Variants in LIPC observed in about 807,000 individuals in gnomAD.
LIPC encodes hepatic triacylglycerol lipase.
In LIPC, 44 loss-of-function variants were observed where a neutral mutation model predicts 50.7. The ratio of observed to expected loss-of-function variants is 0.87; its 90% CI spans 0.68 to 1.11. The LOEUF (loss-of-function observed/expected upper bound fraction) is 1.11, where lower values mean the gene tolerates loss of function less well. Among genes scored for constraint, LIPC ranks in the 50% most tolerant of loss-of-function variants. LIPC has a pLI of 0.00. For synonymous variants in LIPC, 271 were observed against 256.4 expected (o/e 1.06, Z -0.54); for missense variants, 697 against 648.2 (o/e 1.08, Z -0.82).
chr15:58,433,743 T>C (rs1035353264), intron 1 of LIPC, among the ~76,000 whole-genome samples: 6 of 152,368 alleles, frequency 3.9e-5, no homozygotes, highest in Middle Eastern at 3.4e-3. Context: ...AATCTCATTG[T>C]CCTGATCAGC....
At chr15:58,472,325 G>A (rs1365593221) in intron 1 of LIPC, among the ~76,000 whole-genome samples, 8 of 145,514 alleles carry the variant, frequency 5.5e-5, no homozygotes, top group South Asian at 2.2e-4. Flanking sequence ...CTGTAACCCC[G>A]GCACTTTGGG....
At chr15:58,506,061 C>A (rs972700271) in intron 1 of LIPC, among the ~76,000 whole-genome samples, 2 of 152,138 alleles carry the variant, frequency 1.3e-5, no homozygotes, top group Admixed American at 6.5e-5. Context: ...GCAGCCGCCC[C>A]TCCCCACTCT....
At chr15:58,533,784 T>C (rs1402534896) in intron 1 of LIPC, among the ~76,000 whole-genome samples, 3 of 152,224 alleles carry the variant, frequency 2.0e-5, no homozygotes, top group Non-Finnish European at 4.4e-5. Flanking sequence ...AAATGTTATT[T>C]GTGTTTTTTT....
intron 1 of LIPC, among the ~76,000 whole-genome samples, chr15:58,486,661 C>T (rs1566925368): frequency 6.6e-6 from 1 of 152,138 alleles, no homozygotes; most frequent in Non-Finnish European, 1.5e-5. Flanking sequence ...GGGGAGGCAA[C>T]GCAGGCGGAG....
At chr15:58,483,787 C>A (rs975177591) in intron 1 of LIPC, among the ~76,000 whole-genome samples, 1 of 151,898 alleles carries the variant, frequency 6.6e-6, no homozygotes, top group African/African-American at 2.4e-5. Flanking sequence ...AATTTAATAG[C>A]TCTGCAAAAA....
Position 58,542,541 on chromosome 15 carries a change from T to C in LIPC, c.464T>C (p.Val155Ala). 1.2e-6 allele frequency: 2 copies of C among 1,609,272 alleles called. No homozygotes were observed. The highest frequency in any genetic ancestry group is 2.2e-5 in the East Asian group (1 of 44,844). The change falls in exon 4 of 9, where the codon GTG becomes GCG. Residue 155 changes from valine to alanine, a missense_variant. Transcript: ENST00000299022. ...AALLRWLEES[V>A]QLSRSHVHLI... ...CCCGCTGCTGTCTTCCAGGAATCTG[T>C]GCAACTCTCTCGAAGCCATGTTCAC...
intron 1 of LIPC, among the ~76,000 whole-genome samples, chr15:58,485,410 G>A (rs769766002): frequency 2.4e-4 from 37 of 152,198 alleles, no homozygotes; most frequent in Non-Finnish European, 5.1e-4. Context: ...TTTGTCACAG[G>A]TTTGTTGGGT....
intron 1 of LIPC, among the ~76,000 whole-genome samples, chr15:58,524,023 T>C (rs1291392607): frequency 6.6e-6 from 1 of 152,164 alleles, no homozygotes; most frequent in African/African-American, 2.4e-5. Context: ...TAGAATAGAT[T>C]TGCAAAATCT....
At chr15:58,444,477 A>G (rs1893618177) in intron 1 of LIPC, among the ~76,000 whole-genome samples, 1 of 152,128 alleles carries the variant, frequency 6.6e-6, no homozygotes, top group Admixed American at 6.5e-5. Context: ...AGGACCACAG[A>G]CTGGGTGGCC....
intron 1 of LIPC, among the ~76,000 whole-genome samples, chr15:58,535,700 C>T (rs1214415167): frequency 6.6e-6 from 1 of 152,226 alleles, no homozygotes; most frequent in Non-Finnish European, 1.5e-5. Context: ...ACGCTCTCTT[C>T]TCTAGGTTCT....
chr15:58,543,891 G>T (rs1392650712), intron 4 of LIPC, among the ~76,000 whole-genome samples: 1 of 152,136 alleles, frequency 6.6e-6, no homozygotes, highest in African/African-American at 2.4e-5. Context: ...AAAGTGCTGG[G>T]ATTACAGACG....
intron 1 of LIPC, among the ~76,000 whole-genome samples, chr15:58,532,270 A>G (rs556642960): frequency 1.3e-5 from 2 of 152,300 alleles, no homozygotes; most frequent in South Asian, 4.1e-4. Context: ...CTAAATTCCC[A>G]CACAAATGTT....
intron 8 of LIPC, among the ~76,000 whole-genome samples, chr15:58,567,076 C>T (rs996544897): frequency 4.4e-4 from 67 of 151,502 alleles, no homozygotes; most frequent in Non-Finnish European, 8.5e-4. Flanking sequence ...GTGGCGCATG[C>T]CTATAATCCC....
chr15:58,530,303 CA>C (rs1438261252), intron 1 of LIPC, among the ~76,000 whole-genome samples: 20 of 152,330 alleles, frequency 1.3e-4, no homozygotes, highest in African/African-American at 3.6e-4. Flanking sequence ...GACCCTGCTC[CA>C]TGAGGGCTGG....
At chr15:58,503,913 C>T (rs1370235866) in intron 1 of LIPC, among the ~76,000 whole-genome samples, 1 of 152,088 alleles carries the variant, frequency 6.6e-6, no homozygotes, top group Non-Finnish European at 1.5e-5. Flanking sequence ...ACACCCACAC[C>T]CCCACCCAAA....
intron 1 of LIPC, among the ~76,000 whole-genome samples, chr15:58,467,899 G>A (rs1388190490): frequency 1.3e-5 from 2 of 152,208 alleles, no homozygotes; most frequent in Non-Finnish European, 2.9e-5. Context: ...CACAGCGGTT[G>A]AGAGCTTGGA....
At chr15:58,528,918 C>G (rs1466394625) in intron 1 of LIPC, among the ~76,000 whole-genome samples, 4 of 152,168 alleles carry the variant, frequency 2.6e-5, no homozygotes, top group African/African-American at 9.7e-5. Flanking sequence ...CCCTACCTGC[C>G]AGGGCACCCA....
intron 1 of LIPC, among the ~76,000 whole-genome samples, chr15:58,484,581 G>C (rs1429066846): frequency 4.6e-5 from 7 of 152,184 alleles, no homozygotes; most frequent in African/African-American, 1.7e-4. Context: ...TTATCCTTTG[G>C]TACTGTGGGG....
At chr15:58,560,356 C>A (rs1308344755) in intron 6 of LIPC, among the ~76,000 whole-genome samples, 2 of 152,272 alleles carry the variant, frequency 1.3e-5, no homozygotes, top group Non-Finnish European at 2.9e-5. Context: ...AGGAACTGCC[C>A]CGGAATATAA....
Sources: allele counts gnomAD v4.1 joint callset (sites outside exome capture counted in the v4.1 genomes callset), GRCh38; gene constraint gnomAD v4.1.1; transcripts MANE v1.5; gene names NCBI Gene and HGNC (gene_info 2026-07-23, HGNC 2026-07-21).